The following TGFBR2 variants were observed in gnomAD, a reference collection of about 807,000 sequenced individuals.
The protein encoded by TGFBR2 is TGF-beta receptor type-2.
A neutral mutation model predicts 49.0 loss-of-function variants in TGFBR2; 18 were observed. That is an observed-to-expected ratio of 0.37 (90% CI 0.25 to 0.54). The LOEUF (loss-of-function observed/expected upper bound fraction) is 0.54. TGFBR2 is among the 20% of genes least tolerant of loss of function. The probability of loss-of-function intolerance (pLI) is 0.85; values close to 1 mark genes in which losing one functional copy is unlikely to be tolerated. For synonymous variants in TGFBR2, 282 were observed against 275.9 expected, an observed-to-expected ratio of 1.02 and a Z score of -0.22; for missense variants, 525 against 722.6, an observed-to-expected ratio of 0.73 and a Z score of 3.13.
At chr3:30,656,411 C>G (rs1698999685) in intron 3 of TGFBR2, among the ~76,000 whole-genome samples, 1 of 152,116 alleles carries the variant, frequency 6.6e-6, no homozygotes. Context: ...CTTAATATTT[C>G]CCAAAACAAG....
At position 30,694,021 on chromosome 3, in the gene TGFBR2, A is replaced by G. The variant is rs1699755558; in HGVS notation, c.*2422A>G. ...ATACTCTTTTTATATCAAAAGTCTC[A>G]AGCACTTATTTTTATTCTATGCATT... On this transcript the variant is annotated 3_prime_UTR_variant, in exon 7 of 7. Transcript: ENST00000295754. 4.3e-6 allele frequency: 1 copy of G among 230,224 alleles called. No homozygotes were observed. Among genetic ancestry groups the G allele is most frequent in the Non-Finnish European group, 8.6e-6 (1 of 115,972 alleles). The allele number at this position is 230,224 out of a possible 1,614,324, so 14.3% of individuals were successfully genotyped here.
chr3:30,682,363 C>G (rs1052559748), intron 5 of TGFBR2, among the ~76,000 whole-genome samples: 1 of 152,238 alleles, frequency 6.6e-6, no homozygotes, highest in African/African-American at 2.4e-5. Flanking sequence ...AGCTCTTCCA[C>G]TTTTGAAGTG....
intron 5 of TGFBR2, among the ~76,000 whole-genome samples, chr3:30,679,482 C>T (rs892255312): frequency 3.3e-5 from 5 of 152,288 alleles, no homozygotes; most frequent in Non-Finnish European, 4.4e-5. Flanking sequence ...AGCTTCATTT[C>T]GCACAAAATT....
intron 2 of TGFBR2, among the ~76,000 whole-genome samples, chr3:30,646,557 A>G (rs1160625930): frequency 6.6e-6 from 1 of 152,204 alleles, no homozygotes; most frequent in Non-Finnish European, 1.5e-5. Flanking sequence ...GATCCATAAC[A>G]TTTGCAAGGC....
At chr3:30,636,714 A>G (rs1242377169) in intron 1 of TGFBR2, among the ~76,000 whole-genome samples, 2 of 150,400 alleles carry the variant, frequency 1.3e-5, no homozygotes, top group Non-Finnish European at 3.0e-5. Context: ...CTAAATATAT[A>G]AGCATGCATG....
At chr3:30,637,552 T>C (rs1215085352) in intron 1 of TGFBR2, among the ~76,000 whole-genome samples, 1 of 152,208 alleles carries the variant, frequency 6.6e-6, no homozygotes, top group Non-Finnish European at 1.5e-5. Context: ...GGGCAGACAG[T>C]CTGGTGACCA....
chr3:30,634,902 A>G (rs1314395388), intron 1 of TGFBR2, among the ~76,000 whole-genome samples: 1 of 152,106 alleles, frequency 6.6e-6, no homozygotes, highest in African/African-American at 2.4e-5. Flanking sequence ...CTAATATACC[A>G]TTTGCATTTA....
intron 1 of TGFBR2, among the ~76,000 whole-genome samples, chr3:30,642,023 C>T (rs186131723): frequency 2.0e-5 from 3 of 152,244 alleles, no homozygotes; most frequent in South Asian, 4.1e-4. Flanking sequence ...ACTTAAACCA[C>T]TTGCATTTGT....
intron 5 of TGFBR2, among the ~76,000 whole-genome samples, chr3:30,680,031 C>T (rs1699511893): frequency 6.6e-6 from 1 of 152,158 alleles, no homozygotes; most frequent in African/African-American, 2.4e-5. Flanking sequence ...GAGGCTGAGG[C>T]AGAGAATTGC....
chr3:30,661,514 T>G (rs1423576587), intron 3 of TGFBR2: 1 of 487,212 alleles, frequency 2.1e-6, no homozygotes, highest in African/African-American at 1.9e-5. Context: ...AAATGACCAA[T>G]TTTCTAAAAC....
At chr3:30,690,370 TG>T (rs1699689873) in intron 6 of TGFBR2, among the ~76,000 whole-genome samples, 1 of 152,252 alleles carries the variant, frequency 6.6e-6, no homozygotes, top group African/African-American at 2.4e-5. Context: ...ATCTCCTGGA[TG>T]GTCTCCTTGG....
At chr3:30,629,976 G>C (rs1474484803) in intron 1 of TGFBR2, among the ~76,000 whole-genome samples, 2 of 152,250 alleles carry the variant, frequency 1.3e-5, no homozygotes, top group Middle Eastern at 3.4e-3. Flanking sequence ...CCTAAAAACA[G>C]ACTGTGCTTG....
At chr3:30,623,166 C>T (rs777705841) in intron 1 of TGFBR2, 22 of 1,200,768 alleles carry the variant, frequency 1.8e-5, no homozygotes, top group Admixed American at 7.2e-5. Flanking sequence ...AAAAACAGCT[C>T]TCTGAGATGG....
chr3:30,655,764 T>C (rs1698982964), intron 3 of TGFBR2, among the ~76,000 whole-genome samples: 1 of 152,228 alleles, frequency 6.6e-6, no homozygotes, highest in Non-Finnish European at 1.5e-5. Context: ...AAGGAGATGA[T>C]GCTTGGGAGC....
At chr3:30,623,205 A>G in intron 1 of TGFBR2, 1 of 1,530,540 alleles carries the variant, frequency 6.5e-7, no homozygotes, top group Non-Finnish European at 9.1e-7. Context: ...ACAGATGTGG[A>G]AATGGAGGCC....
At chr3:30,685,770 G>A (rs1699610142) in intron 5 of TGFBR2, among the ~76,000 whole-genome samples, 1 of 152,200 alleles carries the variant, frequency 6.6e-6, no homozygotes, top group African/African-American at 2.4e-5. Context: ...GTGAAGGTGT[G>A]AGCCCTTATG....
intron 1 of TGFBR2, among the ~76,000 whole-genome samples, chr3:30,639,395 T>G (rs1698603568): frequency 6.6e-6 from 1 of 152,204 alleles, no homozygotes; most frequent in African/African-American, 2.4e-5. Flanking sequence ...TCCAATCAAC[T>G]GAACAGCCTT....
intron 1 of TGFBR2, among the ~76,000 whole-genome samples, chr3:30,613,253 A>G (rs527641144): frequency 9.3e-5 from 14 of 150,978 alleles, no homozygotes; most frequent in Non-Finnish European, 1.8e-4. Context: ...TGGGCCTTAG[A>G]TGGTACTCTG....
At chr3:30,665,512 T>G (rs559051819) in intron 3 of TGFBR2, among the ~76,000 whole-genome samples, 1 of 152,318 alleles carries the variant, frequency 6.6e-6, no homozygotes, top group South Asian at 2.1e-4. Flanking sequence ...TCTTTCTTAT[T>G]GTTACAAGAT....
Sources: gnomAD v4.1 joint callset for allele counts (sites outside exome capture counted in the v4.1 genomes callset) on GRCh38, gnomAD v4.1.1 for gene constraint, MANE v1.5 for transcripts, NCBI Gene and HGNC (gene_info 2026-07-23, HGNC 2026-07-21) for gene names.